The following SPIDR variants were observed in gnomAD, a reference collection of about 807,000 sequenced individuals.
SPIDR encodes scaffold protein involved in DNA repair.
SPIDR carries 93 observed loss-of-function variants against 104.6 expected under a neutral mutation model. That is an observed-to-expected ratio of 0.89 (90% confidence interval 0.75 to 1.06). SPIDR has a LOEUF of 1.06. Ranked by LOEUF, SPIDR falls within the 50% of genes least tolerant of loss-of-function variation. The pLI is 0.00. For synonymous variants in SPIDR, 431 were observed against 416.9 expected (o/e 1.03, Z -0.41); for missense variants, 1,154 against 1,111.2 (o/e 1.04, Z -0.55).
chr8:47,700,436 G>A lies in SPIDR; in HGVS notation c.1719G>A (p.Leu573=), dbSNP rs2154482368. 6.2e-7 allele frequency: 1 copy of A among 1,614,186 alleles called. No homozygotes were observed. The highest frequency in any genetic ancestry group is 1.1e-5 in the South Asian group (1 of 91,086). ...TAGIFSLIDT[L]WPPAIPLKTP... is the part of the protein sequence containing the mutation. Reference sequence around the variant, plus strand: ...GGATTTTCAGTTTGATTGACACCCTGTGGCCCCCAGCGATACCTCTGAAAA... The same window carrying A: ...GGATTTTCAGTTTGATTGACACCCTATGGCCCCCAGCGATACCTCTGAAAA... The change falls in exon 12 of 20, where the codon CTG becomes CTA. Residue 573 remains leucine (L), a synonymous_variant. Transcript: ENST00000297423.
Position 47,383,366 on chromosome 8 carries a change from G to A in SPIDR, c.526-13010G>A, listed in dbSNP as rs1024229422. 2.2e-4 allele frequency among the ~76,000 whole-genome samples: 34 copies of A among 152,314 alleles called. 1 individual carries two copies. Among genetic ancestry groups the A allele is most frequent in the African/African-American group, 8.2e-4 (34 of 41,550 alleles). On this transcript the variant is annotated intron_variant, in intron 5 of 19. Transcript: ENST00000297423. The stretch of plus-strand genomic sequence containing the variant: ...AACCAACTGACTCTTTCTCTGAAGT[G>A]TTTTCATTGGTACTATTTGGTTACT...
intron 5 of SPIDR, among the ~76,000 whole-genome samples, chr8:47,316,525 G>A (rs1254658226): frequency 6.6e-6 from 1 of 152,196 alleles, no homozygotes; most frequent in Non-Finnish European, 1.5e-5. Context: ...ACTTAGCAAT[G>A]ATAAGGAACA....
intron 5 of SPIDR, among the ~76,000 whole-genome samples, chr8:47,346,152 T>C (rs1401621977): frequency 1.3e-5 from 2 of 152,360 alleles, no homozygotes; most frequent in African/African-American, 4.8e-5. Context: ...ATACCTAGTT[T>C]ATTGAGAGTT....
At chr8:47,346,448 C>T (rs2052056807) in intron 5 of SPIDR, among the ~76,000 whole-genome samples, 1 of 152,094 alleles carries the variant, frequency 6.6e-6, no homozygotes, top group Admixed American at 6.6e-5. Flanking sequence ...TGTGTCTCTG[C>T]CAGGCTTTGG....
rs183208068 is a variant in SPIDR, at chr8:47,594,170, G to T, written c.1098-1641G>T. ...AGGTCAGGAGTTTGAGACCAGCCTG[G>T]TCACCATGATGAAACCCAGTCTCTA... is the stretch of plus-strand genomic sequence containing the variant. On this transcript the variant is annotated intron_variant, in intron 8 of 19. Coordinates refer to ENST00000297423, the MANE Select transcript of SPIDR (RefSeq NM_001080394.4). Among the ~76,000 whole-genome samples, 102 of 141,072 alleles carry T rather than the reference G, an allele frequency of 7.2e-4. 3 individuals carry two copies. The East Asian group carries it at 0.02, about 28-fold the overall frequency. The allele number at this position is 141,072 out of a possible 152,430, so 92.5% of individuals were successfully genotyped here. A position where few individuals can be genotyped will look rare whatever the true frequency, so the allele number is the denominator to read the frequency against.
At chr8:47,442,975 A>T (rs1248039021) in intron 8 of SPIDR, among the ~76,000 whole-genome samples, 2 of 152,114 alleles carry the variant, frequency 1.3e-5, no homozygotes, top group Non-Finnish European at 2.9e-5. Context: ...TTGTTTTTTT[A>T]ATATCTAAAT....
At chr8:47,363,586 A>G (rs1238317302) in intron 5 of SPIDR, among the ~76,000 whole-genome samples, 21 of 151,692 alleles carry the variant, frequency 1.4e-4, no homozygotes, top group Admixed American at 1.2e-3. Context: ...AGGCTCTGGC[A>G]GTGATCTCTG....
chr8:47,537,170 TACAC>T (rs537575310), intron 8 of SPIDR, among the ~76,000 whole-genome samples: 5 of 152,240 alleles, frequency 3.3e-5, no homozygotes, highest in Non-Finnish European at 7.3e-5. Flanking sequence ...GTTACAAAAA[TACAC>T]ATATTCTTAC....
intron 7 of SPIDR, among the ~76,000 whole-genome samples, chr8:47,413,202 G>C (rs1742861743): frequency 6.6e-6 from 1 of 152,254 alleles, no homozygotes; most frequent in Admixed American, 6.5e-5. Flanking sequence ...AGAACCTGAA[G>C]ATATCATTTG....
chr8:47,408,851 T>C (rs1322475291), intron 7 of SPIDR, among the ~76,000 whole-genome samples: 1 of 152,182 alleles, frequency 6.6e-6, no homozygotes, highest in Non-Finnish European at 1.5e-5. Flanking sequence ...TCTTTTCTCT[T>C]GGAAATTAAG....
intron 8 of SPIDR, among the ~76,000 whole-genome samples, chr8:47,537,947 C>T (rs913419730): frequency 4.6e-5 from 7 of 152,082 alleles, no homozygotes; most frequent in Admixed American, 3.3e-4. Flanking sequence ...GAGGCTGAGG[C>T]GGGCGGATCA....
chr8:47,487,046 A>G (rs531358650), intron 8 of SPIDR, among the ~76,000 whole-genome samples: 1 of 152,360 alleles, frequency 6.6e-6, no homozygotes, highest in East Asian at 1.9e-4. Flanking sequence ...ATTAAAAGAC[A>G]CAGACTGGCA....
At chr8:47,653,691 G>A (rs145411408) in intron 10 of SPIDR, among the ~76,000 whole-genome samples, 352 of 152,220 alleles carry the variant, frequency 2.3e-3, no homozygotes, top group African/African-American at 7.7e-3. Flanking sequence ...ACTCAACTTG[G>A]TGTAACAAAC....
At chr8:47,487,168 A>T (rs1413716499) in intron 8 of SPIDR, among the ~76,000 whole-genome samples, 3 of 97,156 alleles carry the variant, frequency 3.1e-5, no homozygotes, top group African/African-American at 4.2e-5. Flanking sequence ...CTACCAAGCA[A>T]ATGGAAAACA....
chr8:47,522,856 A>G (rs1350921017), intron 8 of SPIDR, among the ~76,000 whole-genome samples: 2 of 152,050 alleles, frequency 1.3e-5, no homozygotes, highest in Admixed American at 6.6e-5. Context: ...TTTATTATGC[A>G]TTATTTGTGA....
chr8:47,324,119 A>C (rs2047257853), intron 5 of SPIDR, among the ~76,000 whole-genome samples: 1 of 152,100 alleles, frequency 6.6e-6, no homozygotes, highest in East Asian at 1.9e-4. Flanking sequence ...ATTTCTTATG[A>C]AATTAAGTCT....
At chr8:47,466,463 T>C (rs2074794392) in intron 8 of SPIDR, among the ~76,000 whole-genome samples, 1 of 152,188 alleles carries the variant, frequency 6.6e-6, no homozygotes, top group South Asian at 2.1e-4. Context: ...CAAGAAGTTC[T>C]TTGAAACTAG....
At chr8:47,582,784 T>C (rs1228041599) in intron 8 of SPIDR, among the ~76,000 whole-genome samples, 4 of 151,742 alleles carry the variant, frequency 2.6e-5, no homozygotes, top group Admixed American at 2.6e-4. Context: ...TCACTTGTTG[T>C]CTGGGCAACA....
At chr8:47,344,627 T>C (rs1300766813) in intron 5 of SPIDR, among the ~76,000 whole-genome samples, 1 of 152,154 alleles carries the variant, frequency 6.6e-6, no homozygotes, top group East Asian at 1.9e-4. Flanking sequence ...CTCTCCAGCA[T>C]CTGTTGTTTC....
Sources: gnomAD v4.1 joint callset for allele counts (sites outside exome capture counted in the v4.1 genomes callset) on GRCh38, gnomAD v4.1.1 for gene constraint, MANE v1.5 for transcripts, NCBI Gene and HGNC (gene_info 2026-07-23, HGNC 2026-07-21) for gene names.